The following LIPA variants were observed in gnomAD, a reference collection of about 807,000 sequenced individuals.
LIPA encodes the protein lysosomal acid lipase/cholesteryl ester hydrolase.
In LIPA, 26 loss-of-function variants were observed where a neutral mutation model predicts 40.6. The observed-to-expected ratio is 0.64, with a 90% CI of 0.47 to 0.89. The LOEUF is 0.89. LIPA is among the 40% of genes least tolerant of loss of function. LIPA has a pLI of 0.00. For synonymous variants in LIPA, 188 were observed against 168.4 expected (o/e 1.12, Z -0.90); for missense variants, 455 against 479.6 (o/e 0.95, Z 0.48).
At position 89,216,427 on chromosome 10, in the gene LIPA, TAGAGAG is replaced by T. The variant is rs931586599; in HGVS notation, c.895-424_895-419del. On this transcript the variant is annotated intron_variant, in intron 8 of 9. Transcript: ENST00000336233. ...TATATATACATATATATATATATAA[TAGAGAG>T]AGAGAGAGAGAGATGGATATATATA... Among the ~76,000 whole-genome samples the T allele has an allele frequency of 4.5e-4, 64 of 140,912 alleles. No homozygotes were observed. The East Asian group carries it at 9.5e-3, about 21-fold the overall frequency. 92.4% of individuals were successfully genotyped at this position (140,912 alleles called of 152,430 possible).
chr10:89,310,102 C>A (rs996860486), intron 1 of LIPA, among the ~76,000 whole-genome samples: 3 of 152,210 alleles, frequency 2.0e-5, no homozygotes, highest in Non-Finnish European at 4.4e-5. Flanking sequence ...GTACTAATAT[C>A]TCTGCCAACA....
At chr10:89,329,498 C>T (rs1334971954) in intron 1 of LIPA, among the ~76,000 whole-genome samples, 1 of 152,036 alleles carries the variant, frequency 6.6e-6, no homozygotes, top group Non-Finnish European at 1.5e-5. Flanking sequence ...GACTCAGGTT[C>T]ACATCAAGGT....
At chr10:89,307,007 G>A (rs756283221) in intron 1 of LIPA, 2 of 1,613,968 alleles carry the variant, frequency 1.2e-6, no homozygotes, top group South Asian at 2.2e-5. Context: ...AGATCAGTAT[G>A]AAGACGCAGA....
chr10:89,225,948 A>G (rs757723174), intron 5 of LIPA, among the ~76,000 whole-genome samples: 2 of 152,168 alleles, frequency 1.3e-5, no homozygotes, highest in Non-Finnish European at 2.9e-5. Context: ...TCATTATTGT[A>G]AGGCCTCCCT....
chr10:89,371,346 A>G (rs1420156766), intron 2 of LIPA, among the ~76,000 whole-genome samples: 2 of 152,096 alleles, frequency 1.3e-5, no homozygotes, highest in Non-Finnish European at 2.9e-5. Context: ...TAATTCCATG[A>G]CTCTCCATTT....
At chr10:89,286,276 C>T (rs1843340511) in intron 1 of LIPA, among the ~76,000 whole-genome samples, 1 of 152,080 alleles carries the variant, frequency 6.6e-6, no homozygotes, top group African/African-American at 2.4e-5. Context: ...CCCCAAGTGT[C>T]ACTAAGTCTT....
chr10:89,409,315 C>T (rs762153564), intron 2 of LIPA, among the ~76,000 whole-genome samples: 3 of 152,172 alleles, frequency 2.0e-5, no homozygotes, highest in Non-Finnish European at 2.9e-5. Flanking sequence ...CAGCCTTAGT[C>T]GTGGCCCTCA....
At position 89,250,107 on chromosome 10, in the gene LIPA, C is replaced by CTTTTTTTTTTTTTTTTTTTTTTTT. The variant is rs398038546; in HGVS notation, c.-2+1629_-2+1630insAAAAAAAAAAAAAAAAAAAAAAAA. 4.4e-4 allele frequency among the ~76,000 whole-genome samples: 42 copies of CTTTTTTTTTTTTTTTTTTTTTTTT among 96,062 alleles called. 1 individual carries two copies. Among genetic ancestry groups the CTTTTTTTTTTTTTTTTTTTTTTTT allele is most frequent in the African/African-American group, 1.2e-3 (26 of 21,936 alleles). 63.0% of individuals were successfully genotyped at this position (96,062 alleles called of 152,430 possible). On this transcript the variant is annotated intron_variant, in intron 1 of 9. Coordinates refer to ENST00000336233, the MANE Select transcript of LIPA (RefSeq NM_000235.4). ...TTTTTCTTTTTCTTTTCTTTTCTTT[C>CTTTTTTTTTTTTTTTTTTTTTTTT]TTTTTTTTTTTTGAGACAGTCTTGC...
chr10:89,253,468 G>A (rs931853562), upstream of LIPA, among the ~76,000 whole-genome samples: 2 of 152,184 alleles, frequency 1.3e-5, no homozygotes, highest in Non-Finnish European at 2.9e-5. Flanking sequence ...GGGCTAGACT[G>A]CCCCCATGAT....
upstream of LIPA, chr10:89,414,625 G>A (rs1841509921): frequency 1.5e-5 from 8 of 549,296 alleles, no homozygotes; most frequent in East Asian, 1.4e-4. Flanking sequence ...TGCTGGGGCT[G>A]GGGTCTCTCC....
At chr10:89,400,757 T>C (rs1844409922) in intron 2 of LIPA, among the ~76,000 whole-genome samples, 1 of 152,208 alleles carries the variant, frequency 6.6e-6, no homozygotes, top group Admixed American at 6.5e-5. Flanking sequence ...TTGTATTTCT[T>C]TTTCATTCCT....
At chr10:89,340,052 G>A in intron 1 of LIPA, 1 of 1,614,184 alleles carries the variant, frequency 6.2e-7, no homozygotes, top group Non-Finnish European at 8.5e-7. Flanking sequence ...CTTGAGGATG[G>A]TAGTGAGGAA....
intron 2 of LIPA, among the ~76,000 whole-genome samples, chr10:89,374,488 A>G (rs1844109495): frequency 6.6e-6 from 1 of 152,226 alleles, no homozygotes; most frequent in Non-Finnish European, 1.5e-5. Flanking sequence ...TCACAGAACC[A>G]GGACTGCTGC....
At position 89,378,879 on chromosome 10, in the gene LIPA, T is replaced by G. The variant is rs541467401; in HGVS notation, c.61+33912A>C. ...ATCTTATTTCCAAAGATGTCATTTC[T>G]GTAGCACTTTCTAATAGAGGGACAA... is the stretch of plus-strand genomic sequence containing the variant. On this transcript the variant is annotated intron_variant, in intron 2 of 8. Transcript: ENST00000371837. Among the ~76,000 whole-genome samples the G allele has an allele frequency of 2.0e-5, 3 of 152,374 alleles. No individual in the cohort carries two copies. In the East Asian group the frequency reaches 5.8e-4, roughly 29 times the overall value.
At chr10:89,352,788 TA>T (rs34514402) in intron 2 of LIPA, among the ~76,000 whole-genome samples, 31,548 of 113,142 alleles carry the variant, frequency 0.28, 3,546 homozygotes, top group African/African-American at 0.3. Context: ...ACTACAAAGA[TA>T]AAAAAAAAAA....
chr10:89,352,295 C>A (rs1287033220), intron 2 of LIPA, among the ~76,000 whole-genome samples: 1 of 152,146 alleles, frequency 6.6e-6, no homozygotes, highest in East Asian at 1.9e-4. Context: ...AAGGGCAGTG[C>A]GGGTTTTCAT....
At chr10:89,292,433 C>G (rs529959599) in intron 1 of LIPA, 1 of 152,338 alleles carries the variant, frequency 6.6e-6, no homozygotes, top group Non-Finnish European at 1.5e-5. Context: ...CCTGATAATA[C>G]TATAGTCAAA....
chr10:89,371,672 G>T lies in LIPA; in HGVS notation c.61+41119C>A, dbSNP rs74146916. 9.1e-3 allele frequency among the ~76,000 whole-genome samples: 1,380 copies of T among 152,258 alleles called. 21 individuals carry two copies. The highest frequency in any genetic ancestry group is 0.032 in the African/African-American group (1,325 of 41,542). On this transcript the variant is annotated intron_variant, in intron 2 of 8. Transcript: ENST00000371837. ...TGCTGAACGTTTGAACTGATGAGAA[G>T]CCCCTGACAATGAATGCTGCTTTGG...
intron 3 of LIPA, among the ~76,000 whole-genome samples, chr10:89,239,101 T>C (rs560769870): frequency 3.3e-4 from 51 of 152,336 alleles, no homozygotes; most frequent in African/African-American, 1.1e-3. Flanking sequence ...TTAAGCACTT[T>C]ACACGCATTA....
Sources: gnomAD v4.1 joint callset for allele counts (sites outside exome capture counted in the v4.1 genomes callset) on GRCh38, gnomAD v4.1.1 for gene constraint, MANE v1.5 for transcripts, NCBI Gene and HGNC (gene_info 2026-07-23, HGNC 2026-07-21) for gene names.